RIGI: variants seen among roughly 807,000 people sequenced by gnomAD.
RIGI encodes the protein RNA sensor RIG-I.
the RIGI span, among the ~76,000 whole-genome samples, chr9:32,482,374 C>T: frequency 2.7e-3 from 406 of 152,280 alleles, 3 homozygotes; most frequent in African/African-American, 9.3e-3. Flanking sequence ...CATAGTCACA[C>T]AGCAAGTACG....
chr9:32,465,738 A>G, the RIGI span, among the ~76,000 whole-genome samples: 1 of 152,212 alleles, frequency 6.6e-6, no homozygotes. Flanking sequence ...AGATTCTGAG[A>G]TGAAAATCTC....
chr9:32,495,402 C>T, the RIGI span, among the ~76,000 whole-genome samples: 3 of 152,128 alleles, frequency 2.0e-5, no homozygotes, highest in East Asian at 5.8e-4. Flanking sequence ...GGGGTTTCAC[C>T]ATCTTGGCCA....
the RIGI span, among the ~76,000 whole-genome samples, chr9:32,459,098 G>T: frequency 2.7e-5 from 4 of 147,138 alleles, no homozygotes; most frequent in African/African-American, 9.7e-5. Context: ...CATGTTGGCC[G>T]GGCTGGTCTC....
the RIGI span, among the ~76,000 whole-genome samples, chr9:32,461,393 G>A: frequency 8.8e-3 from 1,341 of 152,320 alleles, 21 homozygotes; most frequent in African/African-American, 0.026. Flanking sequence ...GTCTTCTATG[G>A]AAGATTCTGT....
At chr9:32,466,813 G>A in the RIGI span, among the ~76,000 whole-genome samples, 1 of 151,494 alleles carries the variant, frequency 6.6e-6, no homozygotes, top group Non-Finnish European at 1.5e-5. Flanking sequence ...AATGCAGGGT[G>A]ATTAGACAGC....
chr9:32,469,052 G>C, the RIGI span, among the ~76,000 whole-genome samples: 1 of 152,140 alleles, frequency 6.6e-6, no homozygotes, highest in South Asian at 2.1e-4. Context: ...CAATGGACCA[G>C]ATAAGGTCAT....
chr9:32,459,625 T>C, the RIGI span: 1 of 1,043,346 alleles, frequency 9.6e-7, no homozygotes. Flanking sequence ...TAATCATTCA[T>C]ATACAACTTC....
At chr9:32,467,948 A>T in the RIGI span, 1 of 1,569,782 alleles carries the variant, frequency 6.4e-7, no homozygotes, top group South Asian at 1.2e-5. Context: ...TCAGAGTAAG[A>T]GGGCATTATA....
At chr9:32,507,645 T>C in the RIGI span, among the ~76,000 whole-genome samples, 2,986 of 151,992 alleles carry the variant, frequency 0.02, 105 homozygotes, top group African/African-American at 0.067. Context: ...TATCTCTTTT[T>C]TATTTATTTA....
the RIGI span, among the ~76,000 whole-genome samples, chr9:32,524,921 G>A: frequency 6.7e-6 from 1 of 148,292 alleles, no homozygotes; most frequent in African/African-American, 2.5e-5. Context: ...CATTCCGCTG[G>A]AGGCTATATG....
chr9:32,500,720 C>G, the RIGI span: 8 of 1,515,756 alleles, frequency 5.3e-6, no homozygotes, highest in African/African-American at 8.4e-5. Context: ...GTGGATACTT[C>G]AAATTTAATA....
the RIGI span, among the ~76,000 whole-genome samples, chr9:32,461,044 G>A: frequency 6.9e-6 from 1 of 145,618 alleles, no homozygotes; most frequent in Admixed American, 6.8e-5. Context: ...AAAGCAGCCA[G>A]AAAAAAAAAA....
the RIGI span, among the ~76,000 whole-genome samples, chr9:32,499,770 T>G: frequency 6.6e-6 from 1 of 151,328 alleles, no homozygotes; most frequent in African/African-American, 2.4e-5. Context: ...GTTTGTTTTT[T>G]AAATACAGGG....
At chr9:32,488,559 A>C in the RIGI span, among the ~76,000 whole-genome samples, 18,068 of 152,240 alleles carry the variant, frequency 0.12, 1,149 homozygotes, top group Middle Eastern at 0.29. Flanking sequence ...GGGGAGTTTA[A>C]GTTTTCTGGT....
the RIGI span, among the ~76,000 whole-genome samples, chr9:32,463,818 A>G: frequency 6.6e-6 from 1 of 151,340 alleles, no homozygotes; most frequent in South Asian, 2.1e-4. Context: ...TTCAGAATGA[A>G]CTTTCTTTCA....
chr9:32,469,142 G>A, the RIGI span, among the ~76,000 whole-genome samples: 3 of 151,954 alleles, frequency 2.0e-5, no homozygotes, highest in Non-Finnish European at 4.4e-5. Context: ...AGTGGAAGAG[G>A]ATGGAGCAGA....
chr9:32,493,825 G>A, the RIGI span: 2 of 1,610,490 alleles, frequency 1.2e-6, no homozygotes, highest in South Asian at 1.1e-5. Context: ...GATATCGGTT[G>A]GGATAATTCT....
the RIGI span, among the ~76,000 whole-genome samples, chr9:32,490,458 T>C: frequency 6.7e-6 from 1 of 148,618 alleles, no homozygotes; most frequent in Non-Finnish European, 1.5e-5. Context: ...CATGTATCTG[T>C]TTTTTTTTTC....
the RIGI span, among the ~76,000 whole-genome samples, chr9:32,506,629 GA>G: frequency 6.6e-6 from 1 of 152,094 alleles, no homozygotes; most frequent in Non-Finnish European, 1.5e-5. Flanking sequence ...TCCAGTATAT[GA>G]AAATACTGTT....
Sources: allele counts gnomAD v4.1 joint callset (sites outside exome capture counted in the v4.1 genomes callset), GRCh38; gene constraint gnomAD v4.1.1; transcripts MANE v1.5; gene names NCBI Gene and HGNC (gene_info 2026-07-23, HGNC 2026-07-21).